The following WDPCP variants were observed in gnomAD, a reference collection of about 807,000 sequenced individuals.
The protein encoded by WDPCP is WD repeat containing planar cell polarity effector.
WDPCP carries 71 observed loss-of-function variants against 93.1 expected under a neutral mutation model. The ratio of observed to expected loss-of-function variants is 0.76; its 90% confidence interval spans 0.63 to 0.93. The LOEUF is 0.93. Among genes scored for constraint, WDPCP ranks in the 40% least tolerant of loss-of-function variants. The probability of loss-of-function intolerance (pLI) is 0.00; values close to 1 mark genes in which losing one functional copy is unlikely to be tolerated. For synonymous variants in WDPCP, 315 were observed against 315.0 expected (o/e 1.00, Z 0.00); for missense variants, 844 against 887.4 (o/e 0.95, Z 0.62).
intron 1 of WDPCP, among the ~76,000 whole-genome samples, chr2:63,540,277 G>T (rs1704608708): frequency 6.6e-6 from 1 of 152,100 alleles, no homozygotes; most frequent in Non-Finnish European, 1.5e-5. Context: ...TAAAGTCAGA[G>T]TATAAACAAT....
chr2:63,528,013 GTCT>G (rs1291812135), intron 1 of WDPCP, among the ~76,000 whole-genome samples: 3 of 152,064 alleles, frequency 2.0e-5, no homozygotes, highest in Non-Finnish European at 4.4e-5. Flanking sequence ...CTGCATAAAT[GTCT>G]TCTTTTGAGA....
intron 2 of WDPCP, among the ~76,000 whole-genome samples, chr2:63,746,827 G>A (rs953019221): frequency 2.0e-5 from 3 of 152,048 alleles, no homozygotes; most frequent in East Asian, 1.9e-4. Context: ...TTCTAGTTTC[G>A]CCCTGAACTT....
At chr2:63,228,099 G>A (rs1678444633) in intron 14 of WDPCP, among the ~76,000 whole-genome samples, 1 of 151,980 alleles carries the variant, frequency 6.6e-6, no homozygotes, top group Non-Finnish European at 1.5e-5. Flanking sequence ...CTCAAACTAT[G>A]ACTTTCTTAA....
intron 1 of WDPCP, among the ~76,000 whole-genome samples, chr2:63,560,495 A>C (rs1307581466): frequency 1.3e-5 from 2 of 152,216 alleles, no homozygotes; most frequent in African/African-American, 2.4e-5. Context: ...CAATGGGAAA[A>C]GGATTCCCTA....
At chr2:63,810,877 A>G (rs1307267044) in intron 2 of WDPCP, among the ~76,000 whole-genome samples, 1 of 152,230 alleles carries the variant, frequency 6.6e-6, no homozygotes, top group Non-Finnish European at 1.5e-5. Context: ...ATTTGACTGT[A>G]CATGTTTGTG....
intron 14 of WDPCP, among the ~76,000 whole-genome samples, chr2:63,238,573 A>T (rs1021248928): frequency 6.6e-6 from 1 of 152,192 alleles, no homozygotes; most frequent in African/African-American, 2.4e-5. Context: ...CCTAAGATGT[A>T]TCAGATAATT....
At chr2:63,129,205 C>A (rs1670127553) in intron 17 of WDPCP, among the ~76,000 whole-genome samples, 1 of 152,128 alleles carries the variant, frequency 6.6e-6, no homozygotes, top group Non-Finnish European at 1.5e-5. Flanking sequence ...TTGTTTCCAC[C>A]TTTTGGGTAT....
intron 13 of WDPCP, among the ~76,000 whole-genome samples, chr2:63,302,705 G>C (rs191460756): frequency 6.6e-6 from 1 of 152,322 alleles, no homozygotes; most frequent in East Asian, 1.9e-4. Flanking sequence ...TGTGAGGTTG[G>C]TGTCAAGCTG....
intron 14 of WDPCP, among the ~76,000 whole-genome samples, chr2:63,251,798 C>T (rs1408788508): frequency 6.6e-6 from 1 of 151,732 alleles, no homozygotes; most frequent in Non-Finnish European, 1.5e-5. Flanking sequence ...GCCAGAAAGC[C>T]TACCAATTTT....
intron 13 of WDPCP, among the ~76,000 whole-genome samples, chr2:63,312,471 C>G (rs999280632): frequency 9.9e-5 from 15 of 152,136 alleles, no homozygotes; most frequent in African/African-American, 3.6e-4. Flanking sequence ...TACAAAATGT[C>G]TTAATTGTGC....
intron 12 of WDPCP, among the ~76,000 whole-genome samples, chr2:63,314,808 T>C (rs1373782241): frequency 6.6e-6 from 1 of 152,142 alleles, no homozygotes; most frequent in African/African-American, 2.4e-5. Flanking sequence ...GATCTCCAAA[T>C]TATTATTTCA....
chr2:63,426,513 A>T (rs887327072), intron 9 of WDPCP, among the ~76,000 whole-genome samples: 1 of 152,240 alleles, frequency 6.6e-6, no homozygotes, highest in African/African-American at 2.4e-5. Flanking sequence ...GGAATTCATT[A>T]CCAGTACACC....
At chr2:63,202,469 A>T (rs761175073) in intron 14 of WDPCP, among the ~76,000 whole-genome samples, 1 of 152,150 alleles carries the variant, frequency 6.6e-6, no homozygotes, top group Non-Finnish European at 1.5e-5. Flanking sequence ...CAGATCTAAA[A>T]GATCTACCTC....
Position 63,425,093 on chromosome 2 carries a change from G to A in WDPCP, c.825+8652C>T, listed in dbSNP as rs1030507760. ...ACATAGCTTGTGAAACCGAGAGCAA[G>A]AATCTAGCCACACATGAAGATCCTG... On this transcript the variant is annotated intron_variant, in intron 9 of 17. Coordinates refer to ENST00000272321, the MANE Select transcript of WDPCP (RefSeq NM_015910.7). Among the ~76,000 whole-genome samples the A allele has an allele frequency of 3.9e-5, 6 of 152,300 alleles. No homozygotes were observed. In the East Asian group the frequency reaches 9.6e-4, roughly 24 times the overall value.
intron 12 of WDPCP, among the ~76,000 whole-genome samples, chr2:63,347,530 CT>C (rs1360926497): frequency 1.2e-4 from 19 of 152,174 alleles, no homozygotes; most frequent in Non-Finnish European, 1.2e-4. Flanking sequence ...TGTTGCTCTA[CT>C]GTCATTGGAA....
Position 63,135,215 on chromosome 2 carries a change from C to T in WDPCP, c.2191-13159G>A, listed in dbSNP as rs964354296. Among the ~76,000 whole-genome samples the T allele has an allele frequency of 3.9e-5, 6 of 152,108 alleles. No individual in the cohort carries two copies. The South Asian group carries it at 8.3e-4, about 21-fold the overall frequency. ...AGAATAGTCTACTAAATTCAGGGCACGTGATGTTTTTAAGATCTCAGTGAA... is the reference window on the plus strand; with the variant it reads ...AGAATAGTCTACTAAATTCAGGGCATGTGATGTTTTTAAGATCTCAGTGAA... On this transcript the variant is annotated intron_variant, in intron 17 of 17. Coordinates refer to ENST00000272321, the MANE Select transcript of WDPCP (RefSeq NM_015910.7).
At chr2:63,158,113 G>A (rs376219075) in intron 15 of WDPCP, among the ~76,000 whole-genome samples, 2 of 151,686 alleles carry the variant, frequency 1.3e-5, no homozygotes, top group African/African-American at 2.4e-5. Context: ...ATTTCTAAGC[G>A]TTTGGAGAAT....
At chr2:63,403,378 G>A (rs185449420) in intron 10 of WDPCP, among the ~76,000 whole-genome samples, 11 of 152,048 alleles carry the variant, frequency 7.2e-5, no homozygotes, top group South Asian at 4.2e-4. Context: ...CCCGTGACAC[G>A]TTTACCTATA....
chr2:63,319,641 G>A (rs1686936977), intron 12 of WDPCP, among the ~76,000 whole-genome samples: 2 of 151,990 alleles, frequency 1.3e-5, no homozygotes, highest in African/African-American at 4.8e-5. Flanking sequence ...ACCGCGCCTG[G>A]CTAATTTTTT....
Sources: allele counts gnomAD v4.1 joint callset (sites outside exome capture counted in the v4.1 genomes callset), GRCh38; gene constraint gnomAD v4.1.1; transcripts MANE v1.5; gene names NCBI Gene and HGNC (gene_info 2026-07-23, HGNC 2026-07-21).